The following NELL1 variants were observed in gnomAD, a reference collection of about 807,000 sequenced individuals.
The protein encoded by NELL1 is protein kinase C-binding protein NELL1.
NELL1 carries 76 observed loss-of-function variants against 107.4 expected under a neutral mutation model. The observed-to-expected ratio is 0.71, with a 90% CI of 0.59 to 0.86. The LOEUF (loss-of-function observed/expected upper bound fraction) is 0.86, where lower values mean the gene tolerates loss of function less well. NELL1 is among the 40% of genes least tolerant of loss of function. The pLI, the probability that NELL1 is intolerant of heterozygous loss-of-function variation, is 0.00. For synonymous variants in NELL1, 353 were observed against 341.2 expected, an observed-to-expected ratio of 1.03 and a Z score of -0.38; for missense variants, 1,024 against 1,005.5, an observed-to-expected ratio of 1.02 and a Z score of -0.25.
At chr11:21,504,689 A>C (rs1855236048) in intron 15 of NELL1, among the ~76,000 whole-genome samples, 1 of 152,142 alleles carries the variant, frequency 6.6e-6, no homozygotes. Flanking sequence ...TGTGGCTTCC[A>C]GGGAGAATGT....
intron 15 of NELL1, among the ~76,000 whole-genome samples, chr11:21,517,888 T>A (rs1855609924): frequency 6.6e-6 from 1 of 152,066 alleles, no homozygotes; most frequent in Non-Finnish European, 1.5e-5. Flanking sequence ...TGTTTCCACT[T>A]GTTACTTGGT....
intron 3 of NELL1, among the ~76,000 whole-genome samples, chr11:20,803,984 C>A (rs764677523): frequency 6.6e-6 from 1 of 152,104 alleles, no homozygotes; most frequent in Non-Finnish European, 1.5e-5. Context: ...CTTTGGAACT[C>A]GGACTGACTC....
chr11:21,142,672 G>C (rs1855894577), intron 13 of NELL1, among the ~76,000 whole-genome samples: 1 of 152,170 alleles, frequency 6.6e-6, no homozygotes, highest in South Asian at 2.1e-4. Flanking sequence ...GGCAGAAGCT[G>C]AGTTTTCCTT....
chr11:21,098,835 G>T (rs951765957), intron 12 of NELL1, among the ~76,000 whole-genome samples: 26 of 151,736 alleles, frequency 1.7e-4, no homozygotes, highest in African/African-American at 5.6e-4. Context: ...TCTGCCTCTC[G>T]TGTATGTGTG....
At chr11:20,835,301 G>C (rs1256357944) in intron 3 of NELL1, among the ~76,000 whole-genome samples, 1 of 152,104 alleles carries the variant, frequency 6.6e-6, no homozygotes, top group Non-Finnish European at 1.5e-5. Flanking sequence ...TTTGACAAGA[G>C]GCATACTTTG....
At chr11:20,680,328 C>G (rs537521696) in intron 2 of NELL1, among the ~76,000 whole-genome samples, 2 of 152,198 alleles carry the variant, frequency 1.3e-5, no homozygotes, top group East Asian at 3.9e-4. Flanking sequence ...TACATTCACC[C>G]CATCGCAGTA....
At chr11:21,122,445 A>G (rs1855390541) in intron 13 of NELL1, among the ~76,000 whole-genome samples, 1 of 152,130 alleles carries the variant, frequency 6.6e-6, no homozygotes, top group African/African-American at 2.4e-5. Flanking sequence ...TTCTATCGTA[A>G]AGACATGGTA....
chr11:21,121,641 A>G (rs1040502144), intron 13 of NELL1, among the ~76,000 whole-genome samples: 2 of 152,160 alleles, frequency 1.3e-5, no homozygotes, highest in Non-Finnish European at 2.9e-5. Context: ...CAGTGACCCC[A>G]CTATCTCAGA....
At chr11:20,801,954 A>T (rs949744593) in intron 3 of NELL1, among the ~76,000 whole-genome samples, 1 of 152,126 alleles carries the variant, frequency 6.6e-6, no homozygotes, top group Non-Finnish European at 1.5e-5. Context: ...GTCTGTTTTT[A>T]TGCCAGTGCC....
intron 13 of NELL1, among the ~76,000 whole-genome samples, chr11:21,116,006 T>G (rs1006291326): frequency 6.6e-6 from 1 of 151,944 alleles, no homozygotes; most frequent in Non-Finnish European, 1.5e-5. Context: ...CAAAACTTCT[T>G]AATTTGCCTG....
intron 3 of NELL1, among the ~76,000 whole-genome samples, chr11:20,823,965 T>A (rs1259386610): frequency 6.6e-6 from 1 of 151,182 alleles, no homozygotes; most frequent in African/African-American, 2.4e-5. Flanking sequence ...CATGCAGCAG[T>A]TTGAATGTGG....
chr11:21,349,858 C>T (rs957133420), intron 14 of NELL1, among the ~76,000 whole-genome samples: 1 of 151,872 alleles, frequency 6.6e-6, no homozygotes, highest in African/African-American at 2.4e-5. Context: ...ACAATAATGC[C>T]CTATGAAGCC....
At chr11:21,537,613 C>T (rs1856170058) in intron 16 of NELL1, among the ~76,000 whole-genome samples, 1 of 149,414 alleles carries the variant, frequency 6.7e-6, no homozygotes, top group Non-Finnish European at 1.5e-5. Flanking sequence ...TTCACATGCA[C>T]ATGTGTGTAA....
At chr11:21,556,772 G>A (rs545793579) in intron 16 of NELL1, among the ~76,000 whole-genome samples, 21 of 151,958 alleles carry the variant, frequency 1.4e-4, no homozygotes, top group Middle Eastern at 3.4e-3. Context: ...TATTTCATTC[G>A]AGCATGAAGC....
intron 14 of NELL1, among the ~76,000 whole-genome samples, chr11:21,337,751 TCTTTCTTTC>T (rs1395642167): frequency 7.4e-6 from 1 of 134,948 alleles, no homozygotes; most frequent in Non-Finnish European, 1.6e-5. Flanking sequence ...TTTCTTTCTT[TCTTTCTTTC>T]TTTCTTTCTT....
intron 16 of NELL1, among the ~76,000 whole-genome samples, chr11:21,548,146 A>T (rs138415758): frequency 1.5e-4 from 23 of 152,062 alleles, no homozygotes; most frequent in African/African-American, 5.3e-4. Flanking sequence ...TGGTCCAGGT[A>T]GTGGAAATGC....
In NELL1 at chr11:21,453,818, T is replaced by C. The variant is rs530684701; in HGVS notation, c.1646-80556T>C. Among the ~76,000 whole-genome samples, 147 of 151,968 alleles carry C rather than the reference T, an allele frequency of 9.7e-4. 3 individuals carry two copies. Among genetic ancestry groups the C allele is most frequent in the African/African-American group, 3.5e-3 (144 of 41,532 alleles). On this transcript the variant is annotated intron_variant, in intron 15 of 19. Transcript: ENST00000357134. Reference sequence around the variant, plus strand: ...TTGTGTTTTCTTTCCCTTTTTTTTTTTTTTAGATTTTGTGCCAGGGTTTAC... The same window carrying C: ...TTGTGTTTTCTTTCCCTTTTTTTTTCTTTTAGATTTTGTGCCAGGGTTTAC...
At chr11:20,670,662 A>G (rs2282661) in intron 1 of NELL1, 57,331 of 152,056 alleles carry the variant, frequency 0.38, 12,595 homozygotes, top group Middle Eastern at 0.53. Context: ...AAGAGCTAGT[A>G]GTAGATGCGG....
chr11:20,672,141 T>C (rs952399047), intron 1 of NELL1, among the ~76,000 whole-genome samples: 1 of 152,230 alleles, frequency 6.6e-6, no homozygotes, highest in Admixed American at 6.5e-5. Context: ...TAAAGTATCT[T>C]GTAGCTTGAG....
Sources: allele counts gnomAD v4.1 joint callset (sites outside exome capture counted in the v4.1 genomes callset), GRCh38; gene constraint gnomAD v4.1.1; transcripts MANE v1.5; gene names NCBI Gene and HGNC (gene_info 2026-07-23, HGNC 2026-07-21).